The following LIMCH1 variants were observed in gnomAD, a reference collection of about 807,000 sequenced individuals.
The protein encoded by LIMCH1 is LIM and calponin homology domains 1, also known as LIM and calponin homology domains-containing protein 1.
A neutral mutation model predicts 176.5 loss-of-function variants in LIMCH1; 113 were observed. The observed-to-expected ratio is 0.64, with a 90% confidence interval of 0.55 to 0.75. The LOEUF is 0.75. Among genes scored for constraint, LIMCH1 ranks in the 30% least tolerant of loss-of-function variants. The probability of loss-of-function intolerance (pLI) is 0.00; values close to 1 mark genes in which losing one functional copy is unlikely to be tolerated. For synonymous variants in LIMCH1, 619 were observed against 645.9 expected (o/e 0.96, Z 0.63); for missense variants, 1,674 against 1,814.9 (o/e 0.92, Z 1.41).
At chr4:41,443,272 G>A (rs1391110077) in intron 1 of LIMCH1, among the ~76,000 whole-genome samples, 3 of 56,766 alleles carry the variant, frequency 5.3e-5, no homozygotes, top group African/African-American at 4.3e-4. Flanking sequence ...CTGCAGTGGC[G>A]CAATCTGGAT....
chr4:41,393,772 TATATAA>T (rs1402493301), intron 1 of LIMCH1, among the ~76,000 whole-genome samples: 2 of 152,354 alleles, frequency 1.3e-5, no homozygotes, highest in East Asian at 1.9e-4. Context: ...TAGAATTGTA[TATATAA>T]ATATAAACTG....
intron 2 of LIMCH1, among the ~76,000 whole-genome samples, chr4:41,518,380 T>TTTTGTTTG (rs1011186687): frequency 6.6e-6 from 1 of 152,086 alleles, no homozygotes; most frequent in African/African-American, 2.4e-5. Flanking sequence ...GCTTTGAGGT[T>TTTTGTTTG]TTTGTTTGTT....
chr4:41,558,765 C>A (rs952656606), intron 1 of LIMCH1, among the ~76,000 whole-genome samples: 5 of 152,014 alleles, frequency 3.3e-5, no homozygotes, highest in African/African-American at 1.2e-4. Context: ...ATTTAGAGAC[C>A]ATTTTCTATG....
chr4:41,675,297 G>T (rs2095178974), intron 22 of LIMCH1, among the ~76,000 whole-genome samples: 1 of 151,458 alleles, frequency 6.6e-6, no homozygotes, highest in Non-Finnish European at 1.5e-5. Flanking sequence ...AGGCAGAGTG[G>T]GAGGTGGGCT....
chr4:41,414,278 C>T (rs1231053020), intron 1 of LIMCH1, among the ~76,000 whole-genome samples: 3 of 152,150 alleles, frequency 2.0e-5, no homozygotes, highest in African/African-American at 4.8e-5. Flanking sequence ...TAGACGTAGC[C>T]GAGTTCTTAG....
At chr4:41,455,305 C>T (rs1157670064) in intron 1 of LIMCH1, among the ~76,000 whole-genome samples, 3 of 152,044 alleles carry the variant, frequency 2.0e-5, no homozygotes, top group Non-Finnish European at 4.4e-5. Context: ...GGGTGTGTTC[C>T]CCTTAACTCT....
chr4:41,411,364 G>T (rs2154123543), intron 1 of LIMCH1, among the ~76,000 whole-genome samples: 1 of 152,174 alleles, frequency 6.6e-6, no homozygotes, highest in East Asian at 1.9e-4. Flanking sequence ...GCTGGGTTTT[G>T]TTTTTGTTTT....
Position 41,633,010 on chromosome 4 carries a change from A to G in LIMCH1, c.1754A>G (p.Glu585Gly). ...TSKQLPQDGK[E>G]ETESAPRDSE... ...AAACAGCTGCCACAGGATGGCAAAG[A>G]AGAAACAGAAAGCGCTCCAAGAGAT... Residue 585 changes from glutamate to glycine, a missense_variant, in exon 12 of 32, where the codon GAA becomes GGA. Glu to Gly is a moderately conservative substitution (Grantham distance 98). Transcript: ENST00000503057. 3 of 1,536,112 alleles carry G rather than the reference A, an allele frequency of 2.0e-6. No individual in the cohort carries two copies. The highest frequency in any genetic ancestry group is 2.6e-6 in the Non-Finnish European group (3 of 1,146,898).
Position 41,360,976 on chromosome 4 carries a change from C to T in LIMCH1, c.96+40C>T, listed in dbSNP as rs749554893. On this transcript the variant is annotated intron_variant, in intron 1 of 26. Coordinates refer to the LIMCH1 transcript ENST00000313860. This position sits in a 1 kb window ranked among gnomAD's most constrained non-coding sequence, Gnocchi z 4.5. ...CTGGCGGGCGGCCTTGCACTGGCGC[C>T]CTGAGCCACGGACCCGCGCACGCTC... The T allele has an allele frequency of 6.8e-7, 1 of 1,465,708 alleles. No homozygotes were observed. Among genetic ancestry groups the T allele is most frequent in the Non-Finnish European group, 9.2e-7 (1 of 1,082,594 alleles). The allele number at this position is 1,465,708 out of a possible 1,614,324, so 90.8% of individuals were successfully genotyped here. A position where few individuals can be genotyped will look rare whatever the true frequency, so the allele number is the denominator to read the frequency against.
intron 27 of LIMCH1, among the ~76,000 whole-genome samples, chr4:41,685,430 A>C (rs557529123): frequency 1.3e-5 from 2 of 152,166 alleles, no homozygotes; most frequent in African/African-American, 2.4e-5. Flanking sequence ...ATCCACCCAG[A>C]TTTGCTTTCT....
At chr4:41,669,181 T>C (rs2094930891) in intron 21 of LIMCH1, among the ~76,000 whole-genome samples, 1 of 152,102 alleles carries the variant, frequency 6.6e-6, no homozygotes, top group Non-Finnish European at 1.5e-5. Flanking sequence ...TTTCCCCTAA[T>C]CTCTAATCAG....
At chr4:41,593,578 A>G (rs1311066010) in intron 1 of LIMCH1, among the ~76,000 whole-genome samples, 1 of 152,136 alleles carries the variant, frequency 6.6e-6, no homozygotes, top group Admixed American at 6.6e-5. Context: ...TTTTCTCACA[A>G]CCTTTTTTGG....
At chr4:41,654,380 G>T (rs970094854) in intron 18 of LIMCH1, among the ~76,000 whole-genome samples, 1 of 152,120 alleles carries the variant, frequency 6.6e-6, no homozygotes, top group African/African-American at 2.4e-5. Flanking sequence ...AGATGATTTT[G>T]CCCAACCGCG....
intron 4 of LIMCH1, among the ~76,000 whole-genome samples, chr4:41,607,567 T>C (rs2090891429): frequency 6.6e-6 from 1 of 152,244 alleles, no homozygotes; most frequent in African/African-American, 2.4e-5. Flanking sequence ...TGAATAATAA[T>C]AGATGGGTCA....
chr4:41,586,455 A>G (rs1006666341), intron 1 of LIMCH1, among the ~76,000 whole-genome samples: 8 of 152,128 alleles, frequency 5.3e-5, no homozygotes, highest in Non-Finnish European at 5.9e-5. Flanking sequence ...ATGGACCAGT[A>G]CCAAACCCAT....
chr4:41,446,909 T>C (rs953411226), intron 1 of LIMCH1, among the ~76,000 whole-genome samples: 1 of 152,126 alleles, frequency 6.6e-6, no homozygotes, highest in African/African-American at 2.4e-5. Flanking sequence ...GTGGAGACAT[T>C]AGAGACAAAT....
chr4:41,643,179 G>A (rs565611714), intron 14 of LIMCH1, among the ~76,000 whole-genome samples: 1 of 152,260 alleles, frequency 6.6e-6, no homozygotes, highest in African/African-American at 2.4e-5. Flanking sequence ...TTGCTTTGGG[G>A]GTCATCTTCC....
At chr4:41,616,977 C>A (rs2092151508) in intron 5 of LIMCH1, among the ~76,000 whole-genome samples, 1 of 152,086 alleles carries the variant, frequency 6.6e-6, no homozygotes, top group Admixed American at 6.5e-5. Context: ...GTGTCTAAGA[C>A]ATTCACCAAA....
chr4:41,663,428 G>T (rs2152986057), intron 20 of LIMCH1, among the ~76,000 whole-genome samples: 1 of 152,250 alleles, frequency 6.6e-6, no homozygotes, highest in Non-Finnish European at 1.5e-5. Context: ...TTAGTTTGCT[G>T]TGTGTGTTTG....
Sources: gnomAD v4.1 joint callset for allele counts (sites outside exome capture counted in the v4.1 genomes callset) on GRCh38, gnomAD v4.1.1 for gene constraint, Gnocchi (gnomAD v3.1) non-coding constraint, MANE v1.5 for transcripts, NCBI Gene and HGNC (gene_info 2026-07-23, HGNC 2026-07-21) for gene names.